Variants in ENPP3 observed in about 807,000 individuals in gnomAD.
ENPP3 encodes the protein ectonucleotide pyrophosphatase/phosphodiesterase family member 3.
ENPP3 carries 104 observed loss-of-function variants against 117.8 expected under a neutral mutation model. The ratio of observed to expected loss-of-function variants is 0.88; its 90% CI spans 0.75 to 1.04. ENPP3 has a LOEUF of 1.04. Ranked by LOEUF, ENPP3 falls within the 50% of genes least tolerant of loss-of-function variation. The pLI is 0.00. For missense variants in ENPP3, 1,026 were observed against 1,051.9 expected (o/e 0.98, Z 0.34); for synonymous variants, 380 against 349.9 (o/e 1.09, Z -0.96).
At chr6:131,719,732 G>T (rs1779974619) in intron 16 of ENPP3, among the ~76,000 whole-genome samples, 1 of 151,740 alleles carries the variant, frequency 6.6e-6, no homozygotes, top group South Asian at 2.1e-4. Context: ...AAAATAATTT[G>T]ATCTGTTATA....
chr6:131,689,844 A>G (rs76896948), intron 14 of ENPP3, among the ~76,000 whole-genome samples: 1 of 152,316 alleles, frequency 6.6e-6, no homozygotes, highest in African/African-American at 2.4e-5. Context: ...AGGTCAAAAT[A>G]TCATCATTAA....
Position 131,724,081 on chromosome 6 carries a change from C to A in ENPP3, c.1788C>A (p.Thr596=). 6.2e-7 allele frequency: 1 copy of A among 1,608,832 alleles called. No individual in the cohort carries two copies. Among genetic ancestry groups the A allele is most frequent in the Non-Finnish European group, 8.5e-7 (1 of 1,175,760 alleles). Residue 596 remains threonine (T), a synonymous_variant, in exon 19 of 25, where the codon ACC becomes ACA. Coordinates refer to ENST00000357639, the MANE Select transcript of ENPP3 (RefSeq NM_005021.5). ...LEQVNQMLNL[T]QEEITATVKV... Reference sequence around the variant, plus strand: ...AAGTGAATCAGATGCTAAATCTCACCCAAGAAGAAAGTAAGTCAATAGAAA... The same window carrying A: ...AAGTGAATCAGATGCTAAATCTCACACAAGAAGAAAGTAAGTCAATAGAAA...
chr6:131,666,197 G>T (rs748999371), intron 6 of ENPP3, among the ~76,000 whole-genome samples: 9 of 151,710 alleles, frequency 5.9e-5, no homozygotes, highest in Non-Finnish European at 8.8e-5. Flanking sequence ...GTTCTGTAAG[G>T]GTTCTGCTTT....
At chr6:131,660,352 A>G (rs1778473806) in intron 6 of ENPP3, among the ~76,000 whole-genome samples, 1 of 152,224 alleles carries the variant, frequency 6.6e-6, no homozygotes, top group African/African-American at 2.4e-5. Context: ...AGCCTAAACA[A>G]TATCACAGAG....
intron 15 of ENPP3, among the ~76,000 whole-genome samples, chr6:131,699,072 C>A (rs1779468878): frequency 7.0e-6 from 1 of 141,950 alleles, no homozygotes; most frequent in South Asian, 2.2e-4. Context: ...AAATACAAAC[C>A]CTGTCTCTAC....
chr6:131,726,308 C>T, intron 20 of ENPP3, 108 bp downstream of exon 20: 1 of 955,662 alleles, frequency 1.0e-6, no homozygotes, highest in South Asian at 1.7e-5. Context: ...GGAGGGAACT[C>T]ACTGGCCTGT....
chr6:131,654,801 C>T (rs1245440644), intron 5 of ENPP3, among the ~76,000 whole-genome samples: 1 of 152,066 alleles, frequency 6.6e-6, no homozygotes, highest in Non-Finnish European at 1.5e-5. Flanking sequence ...AAATAATGTG[C>T]CTGTTTTTTT....
At chr6:131,644,989 TA>T (rs1299604441) in intron 2 of ENPP3, among the ~76,000 whole-genome samples, 4 of 152,190 alleles carry the variant, frequency 2.6e-5, no homozygotes, top group South Asian at 4.1e-4. Flanking sequence ...TAAATCTACA[TA>T]TTTTTTTTCT....
chr6:131,704,474 C>CTT (rs1192267696), intron 15 of ENPP3, among the ~76,000 whole-genome samples: 34 of 126,186 alleles, frequency 2.7e-4, no homozygotes, highest in East Asian at 4.2e-4. Flanking sequence ...TGAAAATTTT[C>CTT]TTTTTTTTTT....
At chr6:131,726,866 C>T (rs1022168156) in intron 20 of ENPP3, among the ~76,000 whole-genome samples, 2 of 152,212 alleles carry the variant, frequency 1.3e-5, no homozygotes, top group Non-Finnish European at 2.9e-5. Flanking sequence ...CCCTACCTCA[C>T]ACCACACACA....
At chr6:131,738,583 C>CAAG (rs932211969) in intron 23 of ENPP3, among the ~76,000 whole-genome samples, 7 of 151,564 alleles carry the variant, frequency 4.6e-5, no homozygotes, top group African/African-American at 1.5e-4. Flanking sequence ...GTAAATTTTA[C>CAAG]AAGAATAGTG....
In ENPP3 at chr6:131,700,272, T is replaced by G; in HGVS notation, c.1412+6648T>G. ...CTGCAGCACAACTTGAAGAGATCAA[T>G]TTCTAGAATTTCATCCCACATCTGC... On this transcript the variant is annotated intron_variant, in intron 15 of 24. Transcript: ENST00000357639. 6 of 221,162 alleles carry G rather than the reference T, an allele frequency of 2.7e-5. 1 individual carries two copies. The highest frequency in any genetic ancestry group is 1.5e-4 in the South Asian group (5 of 32,388). The allele number at this position is 221,162 out of a possible 1,614,324, so 13.7% of individuals were successfully genotyped here. A position where few individuals can be genotyped will look rare whatever the true frequency, so the allele number is the denominator to read the frequency against.
At chr6:131,719,757 G>T (rs1779975220) in intron 16 of ENPP3, among the ~76,000 whole-genome samples, 1 of 151,742 alleles carries the variant, frequency 6.6e-6, no homozygotes, top group Non-Finnish European at 1.5e-5. Flanking sequence ...ATATAATCAA[G>T]TTAACATTAA....
intron 12 of ENPP3, among the ~76,000 whole-genome samples, chr6:131,684,073 C>A (rs1779094295): frequency 6.6e-6 from 1 of 151,998 alleles, no homozygotes; most frequent in African/African-American, 2.4e-5. Flanking sequence ...TTTTTAAGTG[C>A]CTACTCAATG....
At chr6:131,673,576 C>A (rs1275258695) in intron 7 of ENPP3, among the ~76,000 whole-genome samples, 4 of 152,066 alleles carry the variant, frequency 2.6e-5, no homozygotes, top group Non-Finnish European at 2.9e-5. Flanking sequence ...TGAGTGCTGG[C>A]TTAATACCTG....
At chr6:131,687,845 C>T (rs117287860) in intron 14 of ENPP3, among the ~76,000 whole-genome samples, 2,194 of 152,234 alleles carry the variant, frequency 0.014, 30 homozygotes, top group South Asian at 0.028. Flanking sequence ...AAATATTTAT[C>T]TACTACATGA....
At chr6:131,723,827 T>TCTCTCTCACA (rs367662326) in intron 18 of ENPP3, among the ~76,000 whole-genome samples, 7 of 145,850 alleles carry the variant, frequency 4.8e-5, no homozygotes, top group African/African-American at 1.8e-4. Flanking sequence ...TCTCTCTCTC[T>TCTCTCTCACA]CACACACACA....
At chr6:131,666,357 A>G (rs1258340988) in intron 6 of ENPP3, among the ~76,000 whole-genome samples, 1 of 152,156 alleles carries the variant, frequency 6.6e-6, no homozygotes, top group Non-Finnish European at 1.5e-5. Flanking sequence ...CATCTTATTT[A>G]GAATCCTTCA....
chr6:131,729,988 TACAGCC>T (rs1780240866), intron 20 of ENPP3, among the ~76,000 whole-genome samples: 1 of 152,236 alleles, frequency 6.6e-6, no homozygotes. Context: ...GCACAACTTT[TACAGCC>T]ACAGCCTCAT....
Sources: allele counts gnomAD v4.1 joint callset (sites outside exome capture counted in the v4.1 genomes callset), GRCh38; gene constraint gnomAD v4.1.1; transcripts MANE v1.5; gene names NCBI Gene and HGNC (gene_info 2026-07-23, HGNC 2026-07-21).